Variants in GRM2 observed in about 807,000 individuals in gnomAD.
The protein encoded by GRM2 is metabotropic glutamate receptor 2.
Under a neutral mutation model 60.4 loss-of-function variants are expected in GRM2, and 35 were observed. The ratio of observed to expected loss-of-function variants is 0.58; its 90% CI spans 0.44 to 0.77. The LOEUF is 0.77. Ranked by LOEUF, GRM2 falls within the 30% of genes least tolerant of loss-of-function variation. The pLI is 0.00. For synonymous variants in GRM2, 437 were observed against 484.1 expected (o/e 0.90, Z 1.28); for missense variants, 925 against 1,199.5 (o/e 0.77, Z 3.38).
At position 51,718,265 on chromosome 3, in the gene GRM2, C is replaced by T. The variant is rs1348786589; in HGVS notation, c.*153C>T. The T allele has an allele frequency of 4.3e-6, 3 of 694,306 alleles. No homozygotes were observed. The highest frequency in any genetic ancestry group is 2.5e-5 in the East Asian group (1 of 39,958). The allele number at this position is 694,306 out of a possible 1,614,324, so 43.0% of individuals were successfully genotyped here. Reference sequence around the variant, plus strand: ...TCACTTACCCACCTCCTTACCCCAGCTCTTCAGACTCAGAAGTCAGGAGCC... The same window carrying T: ...TCACTTACCCACCTCCTTACCCCAGTTCTTCAGACTCAGAAGTCAGGAGCC... On this transcript the variant is annotated 3_prime_UTR_variant, in exon 6 of 6. Transcript: ENST00000395052. This position sits in a 1 kb window ranked among gnomAD's most constrained non-coding sequence, Gnocchi z 4.2.
Position 51,718,133 on chromosome 3 carries a change from G to C in GRM2, c.*21G>C, listed in dbSNP as rs963843542. 5.0e-6 allele frequency: 8 copies of C among 1,606,742 alleles called. No homozygotes were observed. The highest frequency in any genetic ancestry group is 2.7e-5 in the African/African-American group (2 of 74,884). On this transcript the variant is annotated 3_prime_UTR_variant, in exon 6 of 6. Coordinates refer to ENST00000395052, the MANE Select transcript of GRM2 (RefSeq NM_000839.5). This position sits in a 1 kb window ranked among gnomAD's most constrained non-coding sequence, Gnocchi z 4.2. Reference sequence around the variant, plus strand: ...TTTGAAGACCCCATACTCCCGCCCTGACACAGCTGCTCCTGGGAACCTAGT... The same window carrying C: ...TTTGAAGACCCCATACTCCCGCCCTCACACAGCTGCTCCTGGGAACCTAGT...
In GRM2 at chr3:51,715,225, C is replaced by A. The variant is rs1199744229; in HGVS notation, c.1452C>A (p.Leu484=). 1 of 1,613,368 alleles carries A rather than the reference C, an allele frequency of 6.2e-7. No individual in the cohort carries two copies. The highest frequency in any genetic ancestry group is 2.2e-5 in the East Asian group (1 of 44,872). The change falls in exon 4 of 6, where the codon CTC becomes CTA. Residue 484 remains leucine, a synonymous_variant. Coordinates refer to ENST00000395052, the MANE Select transcript of GRM2 (RefSeq NM_000839.5). The surrounding 1 kb of genome is among the most constrained non-coding windows in gnomAD (Gnocchi z 9.0). ...WAEGLTLDTS[L]IPWASPSAGP... Reference sequence around the variant, plus strand: ...AAGGCTTGACTCTGGACACCAGCCTCATCCCATGGGCCTCACCCTCAGCCG... The same window carrying A: ...AAGGCTTGACTCTGGACACCAGCCTAATCCCATGGGCCTCACCCTCAGCCG...
intron 3 of GRM2, chr3:51,714,807 G>T (rs1703838000): frequency 2.5e-6 from 1 of 397,920 alleles, no homozygotes; most frequent in East Asian, 3.9e-5. Flanking sequence ...GGAGATGTCT[G>T]GGCTTTAAGG....
chr3:51,708,889 C>G lies in GRM2; in HGVS notation c.-95C>G. The G allele has an allele frequency of 1.1e-6, 1 of 913,932 alleles. No individual in the cohort carries two copies. Among genetic ancestry groups the G allele is most frequent in the Non-Finnish European group, 1.6e-6 (1 of 621,314 alleles). The allele number at this position is 913,932 out of a possible 1,614,324, so 56.6% of individuals were successfully genotyped here. On this transcript the variant is annotated 5_prime_UTR_variant, in exon 2 of 6. Transcript: ENST00000395052. The stretch of plus-strand genomic sequence containing the variant: ...CATCTCTCTTCTTGTCTGTCCTTTC[C>G]TGGTCCCTGTTTCCTCCTCTCTTTG...
chr3:51,715,985 C>T lies in GRM2; in HGVS notation c.2212C>T (p.Leu738Phe). The T allele has an allele frequency of 6.2e-7, 1 of 1,614,212 alleles. No individual in the cohort carries two copies. Among genetic ancestry groups the T allele is most frequent in the East Asian group, 2.2e-5 (1 of 44,892 alleles). ...GGGCTCGCTGGCCTACAATGTGCTCCTCATCGCGCTCTGCACGCTTTATGC... is the reference window on the plus strand; with the variant it reads ...GGGCTCGCTGGCCTACAATGTGCTCTTCATCGCGCTCTGCACGCTTTATGC... ...MLGSLAYNVL[L>F]IALCTLYAFK... Residue 738 changes from leucine to phenylalanine, a missense_variant, in exon 4 of 6, where the codon CTC (leucine) becomes TTC (phenylalanine). Leu to Phe is a conservative substitution (Grantham distance 22). Coordinates refer to ENST00000395052, the MANE Select transcript of GRM2 (RefSeq NM_000839.5). This position sits in a 1 kb window ranked among gnomAD's most constrained non-coding sequence, Gnocchi z 9.0.
Position 51,712,622 on chromosome 3 carries a change from C to G in GRM2, c.600C>G (p.Arg200=). ...FQAKAMAEIL[R]FFNWTYVSTV... is the part of the protein sequence containing the mutation. Reference sequence around the variant, plus strand: ...CCAAGGCCATGGCTGAGATTCTCCGCTTCTTCAACTGGACCTATGTGTCCA... The same window carrying G: ...CCAAGGCCATGGCTGAGATTCTCCGGTTCTTCAACTGGACCTATGTGTCCA... Residue 200 remains arginine, a synonymous_variant, in exon 3 of 6, where the codon CGC becomes CGG. Transcript: ENST00000395052. The surrounding 1 kb of genome is among the most constrained non-coding windows in gnomAD (Gnocchi z 5.3). 1 of 1,614,174 alleles carries G rather than the reference C, an allele frequency of 6.2e-7. No homozygotes were observed. The highest frequency in any genetic ancestry group is 1.1e-5 in the South Asian group (1 of 91,090).
chr3:51,715,502 C>T lies in GRM2; in HGVS notation c.1729C>T (p.Leu577Phe). 2 of 1,613,264 alleles carry T rather than the reference C, an allele frequency of 1.2e-6. No individual in the cohort carries two copies. Among genetic ancestry groups the T allele is most frequent in the Non-Finnish European group, 1.7e-6 (2 of 1,180,032 alleles). The change falls in exon 4 of 6, where the codon CTC (leucine) becomes TTC (phenylalanine). Residue 577 changes from leucine to phenylalanine, a missense_variant. Coordinates refer to ENST00000395052, the MANE Select transcript of GRM2 (RefSeq NM_000839.5). This position sits in a 1 kb window ranked among gnomAD's most constrained non-coding sequence, Gnocchi z 9.0. ...WAVGPVTIAC[L>F]GALATLFVLG... ...TGTGGGACCTGTCACCATCGCCTGC[C>T]TCGGTGCCCTGGCCACCCTCTTTGT...
At chr3:51,709,857 A>C (rs866995215) in intron 2 of GRM2, among the ~76,000 whole-genome samples, 73 of 61,552 alleles carry the variant, frequency 1.2e-3, no homozygotes, top group African/African-American at 4.1e-3. Context: ...ACACACACAC[A>C]CCCTCACCCT....
At chr3:51,709,710 CA>C (rs1703632130) in intron 2 of GRM2, among the ~76,000 whole-genome samples, 1 of 86,928 alleles carries the variant, frequency 1.2e-5, no homozygotes, top group Non-Finnish European at 2.3e-5. Context: ...CACACACACA[CA>C]GCCCCCCACA....
chr3:51,707,271 G>C (rs1256294886), intron 1 of GRM2, 104 bp downstream of exon 1: 2 of 152,708 alleles, frequency 1.3e-5, no homozygotes, highest in East Asian at 3.9e-4. Flanking sequence ...GGGCGCCCGC[G>C]CTGCTGTGTC....
rs777964450 is a variant in GRM2, at chr3:51,715,943, C to A, written c.2170C>A (p.Arg724Ser). The A allele has an allele frequency of 1.2e-6, 2 of 1,613,936 alleles. No homozygotes were observed. The highest frequency in any genetic ancestry group is 3.3e-5 in the Admixed American group (2 of 60,014). The change falls in exon 4 of 6, where the codon CGC becomes AGC. Residue 724 changes from arginine (R) to serine (S), a missense_variant. Transcript: ENST00000395052. The surrounding 1 kb of genome is among the most constrained non-coding windows in gnomAD (Gnocchi z 9.0). ...REVVTLRCNHRDASMLGSLAY... is the reference protein window; with the variant it reads ...REVVTLRCNHSDASMLGSLAY... Reference sequence around the variant, plus strand: ...GGTGGTGACACTGCGCTGCAACCACCGCGATGCAAGTATGTTGGGCTCGCT... The same window carrying A: ...GGTGGTGACACTGCGCTGCAACCACAGCGATGCAAGTATGTTGGGCTCGCT...
intron 2 of GRM2, among the ~76,000 whole-genome samples, chr3:51,710,927 G>C (rs1178651864): frequency 6.6e-6 from 1 of 152,250 alleles, no homozygotes; most frequent in Non-Finnish European, 1.5e-5. Context: ...GCTAGAATCA[G>C]GGCTGGGGGA....
intron 3 of GRM2, chr3:51,714,722 T>C (rs988176544): frequency 1.4e-5 from 3 of 213,680 alleles, no homozygotes; most frequent in African/African-American, 6.9e-5. Flanking sequence ...GGAGCCTGGG[T>C]TGGAAAGTGT....
chr3:51,708,767 G>A, intron 1 of GRM2, 81 bp from the exon 2 acceptor site: 2 of 508,972 alleles, frequency 3.9e-6, no homozygotes, highest in Non-Finnish European at 7.0e-6. Context: ...GGGGCTCGTG[G>A]GGAGGCAGAG....
Position 51,709,363 on chromosome 3 carries a change from C to T in GRM2, c.380C>T (p.Ala127Val), listed in dbSNP as rs764682062. ...SRHICPDGSY[A>V]THGDAPTAIT... ...CACATCTGCCCCGACGGCTCTTATG[C>T]GACCCATGGTGATGCTCCCACTGCC... The change falls in exon 2 of 6, where the codon GCG becomes GTG. Residue 127 changes from alanine (A) to valine (V), a missense_variant. Ala to Val is a moderately conservative substitution (Grantham distance 64, BLOSUM62 0). Coordinates refer to ENST00000395052, the MANE Select transcript of GRM2 (RefSeq NM_000839.5). 1.3e-6 allele frequency: 2 copies of T among 1,588,072 alleles called. No individual in the cohort carries two copies. Among genetic ancestry groups the T allele is most frequent in the South Asian group, 1.1e-5 (1 of 90,366 alleles).
Position 51,708,839 on chromosome 3 carries a change from T to A in GRM2, c.-136-9T>A. 1.7e-6 allele frequency: 1 copy of A among 590,374 alleles called. No homozygotes were observed. Among genetic ancestry groups the A allele is most frequent in the Non-Finnish European group, 2.9e-6 (1 of 347,896 alleles). The allele number at this position is 590,374 out of a possible 1,614,324, so 36.6% of individuals were successfully genotyped here. A position where few individuals can be genotyped will look rare whatever the true frequency, so the allele number is the denominator to read the frequency against. ...TGGTCTGTTTTTCTGTCTTTCTATC[T>A]CTCTGCAGGAGCTGGGTCCCTTCGC... On this transcript the variant is annotated splice_polypyrimidine_tract_variant and intron_variant, in intron 1 of 5. Transcript: ENST00000395052.
At position 51,716,025 on chromosome 3, in the gene GRM2, A is replaced by C. The variant is rs764150215; in HGVS notation, c.2252A>C (p.Lys751Thr). 1 of 1,614,228 alleles carries C rather than the reference A, an allele frequency of 6.2e-7. No individual in the cohort carries two copies. The highest frequency in any genetic ancestry group is 1.1e-5 in the South Asian group (1 of 91,084). The change falls in exon 4 of 6, where the codon AAG becomes ACG. Residue 751 changes from lysine to threonine, a missense_variant. Transcript: ENST00000395052. This position sits in a 1 kb window ranked among gnomAD's most constrained non-coding sequence, Gnocchi z 4.0. ...LCTLYAFKTR[K>T]CPENFNEAKF... ...ACGCTTTATGCCTTCAAGACTCGCA[A>C]GTGCCCCGAAAACTTCAACGAGGCC...
At position 51,716,139 on chromosome 3, in the gene GRM2, T is replaced by A; in HGVS notation, c.2364+2T>A. 1 of 1,593,832 alleles carries A rather than the reference T, an allele frequency of 6.3e-7. No homozygotes were observed. Among genetic ancestry groups the A allele is most frequent in the East Asian group, 2.2e-5 (1 of 44,754 alleles). ...TATGTCACCTCCAGTGACTACCGGG[T>A]GAGCTACCTGCCACAGAGGTCGGGG... On this transcript the variant is annotated splice_donor_variant, in intron 4 of 5. Transcript: ENST00000395052. LOFTEE classifies it high-confidence loss of function. The surrounding 1 kb of genome is among the most constrained non-coding windows in gnomAD (Gnocchi z 4.0).
At position 51,709,403 on chromosome 3, in the gene GRM2, T is replaced by C. The variant is rs779977094; in HGVS notation, c.420T>C (p.Ile140=). 2 of 1,570,510 alleles carry C rather than the reference T, an allele frequency of 1.3e-6. No homozygotes were observed. The highest frequency in any genetic ancestry group is 3.4e-5 in the Admixed American group (2 of 58,614). Residue 140 remains isoleucine, a synonymous_variant, in exon 2 of 6, where the codon ATT becomes ATC. Transcript: ENST00000395052. The part of the protein sequence containing the change: ...GDAPTAITGV[I]GGSYSDVSIQ... ...CTCCCACTGCCATCACTGGTGTTAT[T>C]GGCGGTTCCTACAGTGATGTCTCCA...
Sources: gnomAD v4.1 joint callset for allele counts (sites outside exome capture counted in the v4.1 genomes callset) on GRCh38, gnomAD v4.1.1 for gene constraint, Gnocchi (gnomAD v3.1) non-coding constraint, MANE v1.5 for transcripts, NCBI Gene and HGNC (gene_info 2026-07-23, HGNC 2026-07-21) for gene names.